The following BRIP1 variants were observed in gnomAD, a reference collection of about 807,000 sequenced individuals.
The protein encoded by BRIP1 is Fanconi anemia group J protein.
Under a neutral mutation model 119.7 loss-of-function variants are expected in BRIP1, and 88 were observed. The observed-to-expected ratio is 0.74, with a 90% CI of 0.62 to 0.88. The LOEUF is 0.88. Among genes scored for constraint, BRIP1 ranks in the 40% least tolerant of loss-of-function variants. BRIP1 has a pLI of 0.00. For missense variants in BRIP1, 1,259 were observed against 1,455.4 expected, an observed-to-expected ratio of 0.87 and a Z score of 2.20; for synonymous variants, 443 against 496.5, an observed-to-expected ratio of 0.89 and a Z score of 1.43.
chr17:61,792,943 G>A (rs2145231405), intron 10 of BRIP1, among the ~76,000 whole-genome samples: 1 of 152,266 alleles, frequency 6.6e-6, no homozygotes, highest in Admixed American at 6.5e-5. Context: ...GTATAGGTGT[G>A]TAGCTGGGAG....
Position 61,681,798 on chromosome 17 carries a change from A to G in BRIP1, c.*1498T>C. On this transcript the variant is annotated 3_prime_UTR_variant, in exon 20 of 20. Transcript: ENST00000259008. The surrounding 1 kb of genome is among the most constrained non-coding windows in gnomAD (Gnocchi z 5.1). The stretch of plus-strand genomic sequence containing the variant: ...CTATAGAAACAGGCTGTAAAAATCT[A>G]AATGTCTCAAAATGGAAGCAAAGAC... 5.1e-6 allele frequency: 1 copy of G among 197,472 alleles called. No individual in the cohort carries two copies. The highest frequency in any genetic ancestry group is 6.1e-5 in the Admixed American group (1 of 16,488). 12.2% of individuals were successfully genotyped at this position (197,472 alleles called of 1,614,324 possible). A position where few individuals can be genotyped will look rare whatever the true frequency, so the allele number is the denominator to read the frequency against.
Position 61,802,614 on chromosome 17 carries a change from T to C in BRIP1, c.919-1140A>G, listed in dbSNP as rs2078012848. Reference sequence around the variant, plus strand: ...AAATCATACAAGGAAAATCTTGACATCACTAAGCATCTTTTCGTTGCTGCT... The same window carrying C: ...AAATCATACAAGGAAAATCTTGACACCACTAAGCATCTTTTCGTTGCTGCT... On this transcript the variant is annotated intron_variant, in intron 7 of 19. Transcript: ENST00000259008. This position sits in a 1 kb window ranked among gnomAD's most constrained non-coding sequence, Gnocchi z 6.0. 6.6e-6 allele frequency among the ~76,000 whole-genome samples: 1 copy of C among 152,214 alleles called. No homozygotes were observed. The highest frequency in any genetic ancestry group is 2.1e-4 in the South Asian group (1 of 4,832).
In BRIP1 at chr17:61,791,627, T is replaced by C. The variant is rs188877604; in HGVS notation, c.1473+1970A>G. On this transcript the variant is annotated intron_variant, in intron 10 of 19. Transcript: ENST00000259008. ...CTAGCAGAGAAGTTCCAGGACCCCA[T>C]TGGAGCAAAAAATCCAAGAACAGAT... 5.3e-3 allele frequency among the ~76,000 whole-genome samples: 797 copies of C among 151,746 alleles called. 4 individuals are homozygous for C. The highest frequency in any genetic ancestry group is 8.1e-3 in the Non-Finnish European group (547 of 67,932).
At chr17:61,772,610 G>A (rs966687817) in intron 14 of BRIP1, among the ~76,000 whole-genome samples, 2 of 151,954 alleles carry the variant, frequency 1.3e-5, no homozygotes, top group Non-Finnish European at 2.9e-5. Flanking sequence ...TCTGAGGTCG[G>A]GAGTTCAAGA....
chr17:61,776,245 A>G lies in BRIP1; in HGVS notation c.2097+156T>C. On this transcript the variant is annotated intron_variant, in intron 14 of 19. Coordinates refer to ENST00000259008, the MANE Select transcript of BRIP1 (RefSeq NM_032043.3). The surrounding 1 kb of genome is among the most constrained non-coding windows in gnomAD (Gnocchi z 5.0). ...AATCAGGCAGTATCTTAATCAAAAAATAAGTAAAATAATATGTGATGTTTA... is the reference window on the plus strand; with the variant it reads ...AATCAGGCAGTATCTTAATCAAAAAGTAAGTAAAATAATATGTGATGTTTA... 1.2e-6 allele frequency: 1 copy of G among 805,548 alleles called. No homozygotes were observed. Among genetic ancestry groups the G allele is most frequent in the Non-Finnish European group, 2.0e-6 (1 of 509,126 alleles). The allele number at this position is 805,548 out of a possible 1,614,324, so 49.9% of individuals were successfully genotyped here.
At position 61,796,828 on chromosome 17, in the gene BRIP1, T is replaced by C. The variant is rs2077907157; in HGVS notation, c.1340+2272A>G. On this transcript the variant is annotated intron_variant, in intron 9 of 19. Coordinates refer to ENST00000259008, the MANE Select transcript of BRIP1 (RefSeq NM_032043.3). This position sits in a 1 kb window ranked among gnomAD's most constrained non-coding sequence, Gnocchi z 4.8. ...AGAGAAGACTGTAGGATGATAGATA[T>C]GAACAATCAATGATATTGAGGAATT... 6.6e-6 allele frequency among the ~76,000 whole-genome samples: 1 copy of C among 152,038 alleles called. No individual in the cohort carries two copies. The highest frequency in any genetic ancestry group is 6.6e-5 in the Admixed American group (1 of 15,240).
At position 61,832,990 on chromosome 17, in the gene BRIP1, A is replaced by G. The variant is rs1203893851; in HGVS notation, c.627+14111T>C. 6.6e-6 allele frequency among the ~76,000 whole-genome samples: 1 copy of G among 152,252 alleles called. No individual in the cohort carries two copies. The highest frequency in any genetic ancestry group is 1.5e-5 in the Non-Finnish European group (1 of 68,044). On this transcript the variant is annotated intron_variant, in intron 6 of 19. Transcript: ENST00000259008. The surrounding 1 kb of genome is among the most constrained non-coding windows in gnomAD (Gnocchi z 5.5). ...TTTGGATTGTACTTCCAATTTCTCT[A>G]TAATTTTGTGACAGCCAAACTTTTA...
chr17:61,681,390 G>C lies in BRIP1; in HGVS notation c.*1906C>G. 1 of 212,080 alleles carries C rather than the reference G, an allele frequency of 4.7e-6. No individual in the cohort carries two copies. The highest frequency in any genetic ancestry group is 7.1e-5 in the East Asian group (1 of 14,010). 13.1% of individuals were successfully genotyped at this position (212,080 alleles called of 1,614,324 possible). ...TCTCAAAGCACAAAGAAATTTGTAT[G>C]ATTTTATAGTACTAACCGCTGCATT... On this transcript the variant is annotated 3_prime_UTR_variant, in exon 20 of 20. Coordinates refer to ENST00000259008, the MANE Select transcript of BRIP1 (RefSeq NM_032043.3). This position sits in a 1 kb window ranked among gnomAD's most constrained non-coding sequence, Gnocchi z 5.1.
chr17:61,847,340 T>C, intron 5 of BRIP1, 120 bp from the exon 6 acceptor site: 1 of 1,062,674 alleles, frequency 9.4e-7, no homozygotes, highest in South Asian at 1.4e-5. Flanking sequence ...AGACTATTTC[T>C]AACAGGCAAT....
chr17:61,781,041 C>T (rs2077613119), intron 11 of BRIP1, 36 bp from the exon 12 acceptor site: 1 of 1,603,302 alleles, frequency 6.2e-7, no homozygotes, highest in African/African-American at 1.3e-5. Flanking sequence ...AGTGGCAAAA[C>T]TTTTAAAACC....
rs149555677 is a variant in BRIP1 at position 61,759,005 on chromosome 17, C to CGTAAATAA, written c.2098-14415_2098-14414insTTATTTAC. On this transcript the variant is annotated intron_variant, in intron 14 of 19. Transcript: ENST00000259008. This position sits in a 1 kb window ranked among gnomAD's most constrained non-coding sequence, Gnocchi z 4.9. Reference sequence around the variant, plus strand: ...CCTGGGTGACAGAGCAAGACCCTGTCATAAATAAATAAATAAATAAATAAA... The same window carrying CGTAAATAA: ...CCTGGGTGACAGAGCAAGACCCTGTCGTAAATAAATAAATAAATAAATAAATAAATAAA... Among the ~76,000 whole-genome samples, 7 of 137,070 alleles carry CGTAAATAA rather than the reference C, an allele frequency of 5.1e-5. No individual in the cohort carries two copies. Among genetic ancestry groups the CGTAAATAA allele is most frequent in the African/African-American group, 1.1e-4 (4 of 37,140 alleles). 89.9% of individuals were successfully genotyped at this position (137,070 alleles called of 152,430 possible). A position where few individuals can be genotyped will look rare whatever the true frequency, so the allele number is the denominator to read the frequency against.
At chr17:61,721,931 G>A (rs2061985739) in intron 16 of BRIP1, among the ~76,000 whole-genome samples, 1 of 150,906 alleles carries the variant, frequency 6.6e-6, no homozygotes. Flanking sequence ...GTTTCACCAT[G>A]TTGGCTAGGC....
At position 61,846,963 on chromosome 17, in the gene BRIP1, G is replaced by T. The variant is rs2078742481; in HGVS notation, c.627+138C>A. ...TGCCATCTCACACATTAGTAACAGA[G>T]ATGTGACAGCATTGAGGACTTCTGA... is the stretch of plus-strand genomic sequence containing the variant. On this transcript the variant is annotated intron_variant, in intron 6 of 19. Transcript: ENST00000259008. The surrounding 1 kb of genome is among the most constrained non-coding windows in gnomAD (Gnocchi z 4.3). The T allele has an allele frequency of 2.2e-6, 2 of 927,258 alleles. No individual in the cohort carries two copies. The highest frequency in any genetic ancestry group is 3.0e-5 in the South Asian group (2 of 67,678). The allele number at this position is 927,258 out of a possible 1,614,324, so 57.4% of individuals were successfully genotyped here. A position where few individuals can be genotyped will look rare whatever the true frequency, so the allele number is the denominator to read the frequency against.
intron 16 of BRIP1, among the ~76,000 whole-genome samples, chr17:61,741,211 T>C (rs1241569901): frequency 6.6e-6 from 1 of 152,224 alleles, no homozygotes; most frequent in Non-Finnish European, 1.5e-5. Flanking sequence ...CCTCATGAGA[T>C]TGCAGCAATT....
At chr17:61,821,434 G>C (rs1225093338) in intron 6 of BRIP1, among the ~76,000 whole-genome samples, 2 of 152,110 alleles carry the variant, frequency 1.3e-5, no homozygotes, top group South Asian at 2.1e-4. Context: ...TAGGAAGTCA[G>C]TGTGAATCGG....
In BRIP1 at chr17:61,748,162, G is replaced by A. The variant is rs936553226; in HGVS notation, c.2098-3571C>T. ...CATTACTGCCTGAGCTCAGTCTCCTGTCAGATCAGCAGCAGCATTATATTC... is the reference window on the plus strand; with the variant it reads ...CATTACTGCCTGAGCTCAGTCTCCTATCAGATCAGCAGCAGCATTATATTC... On this transcript the variant is annotated intron_variant, in intron 14 of 19. Transcript: ENST00000259008. The surrounding 1 kb of genome is among the most constrained non-coding windows in gnomAD (Gnocchi z 4.7). Among the ~76,000 whole-genome samples, 2 of 152,124 alleles carry A rather than the reference G, an allele frequency of 1.3e-5. No homozygotes were observed. The highest frequency in any genetic ancestry group is 2.9e-5 in the Non-Finnish European group (2 of 68,016).
chr17:61,681,259 G>C lies in BRIP1; in HGVS notation c.*2037C>G, dbSNP rs544708658. ...TCGTTCCCTAAATGTAAATGAGTAA[G>C]AGCCACTTTACTTTTTAAATGAAAT... is the stretch of plus-strand genomic sequence containing the variant. On this transcript the variant is annotated 3_prime_UTR_variant, in exon 20 of 20. Transcript: ENST00000259008. This position sits in a 1 kb window ranked among gnomAD's most constrained non-coding sequence, Gnocchi z 5.1. 1.5e-4 allele frequency: 31 copies of C among 206,028 alleles called. No individual in the cohort carries two copies. Among genetic ancestry groups the C allele is most frequent in the Admixed American group, 2.4e-4 (4 of 16,902 alleles). 12.8% of individuals were successfully genotyped at this position (206,028 alleles called of 1,614,324 possible).
At position 61,754,361 on chromosome 17, in the gene BRIP1, T is replaced by A. The variant is rs1449620371; in HGVS notation, c.2098-9770A>T. On this transcript the variant is annotated intron_variant, in intron 14 of 19. Coordinates refer to ENST00000259008, the MANE Select transcript of BRIP1 (RefSeq NM_032043.3). The surrounding 1 kb of genome is among the most constrained non-coding windows in gnomAD (Gnocchi z 4.1). Reference sequence around the variant, plus strand: ...ATTCTTCCCCCTAAATCAGAATGGTTTGCTTCCTCTCTTCCTTTACACTTT... The same window carrying A: ...ATTCTTCCCCCTAAATCAGAATGGTATGCTTCCTCTCTTCCTTTACACTTT... Among the ~76,000 whole-genome samples the A allele has an allele frequency of 2.0e-5, 3 of 152,168 alleles. No homozygotes were observed. In the East Asian group the frequency reaches 5.8e-4, roughly 29 times the overall value.
Position 61,706,882 on chromosome 17 carries a change from T to G in BRIP1, c.2492+9069A>C, listed in dbSNP as rs2061697317. Reference sequence around the variant, plus strand: ...GCTGTAAAAATTCTTCCAAGTATGGTCAAACCTTCTATCCTCTGAACTCAA... The same window carrying G: ...GCTGTAAAAATTCTTCCAAGTATGGGCAAACCTTCTATCCTCTGAACTCAA... On this transcript the variant is annotated intron_variant, in intron 17 of 19. Coordinates refer to ENST00000259008, the MANE Select transcript of BRIP1 (RefSeq NM_032043.3). The surrounding 1 kb of genome is among the most constrained non-coding windows in gnomAD (Gnocchi z 5.7). Among the ~76,000 whole-genome samples the G allele has an allele frequency of 6.6e-6, 1 of 152,222 alleles. No individual in the cohort carries two copies.
Sources: allele counts gnomAD v4.1 joint callset (sites outside exome capture counted in the v4.1 genomes callset), GRCh38; gene constraint gnomAD v4.1.1; non-coding constraint Gnocchi (gnomAD v3.1); transcripts MANE v1.5; gene names NCBI Gene and HGNC (gene_info 2026-07-23, HGNC 2026-07-21).